The following FXR2 variants were observed in gnomAD, a reference collection of about 807,000 sequenced individuals.
FXR2 encodes RNA-binding protein FXR2.
Under a neutral mutation model 87.3 loss-of-function variants are expected in FXR2, and 9 were observed. The ratio of observed to expected loss-of-function variants is 0.10; its 90% CI spans 0.06 to 0.18. The LOEUF (loss-of-function observed/expected upper bound fraction) is 0.18. FXR2 is among the 10% of genes least tolerant of loss of function. FXR2 has a pLI of 1.00. For missense variants in FXR2, 661 were observed against 893.6 expected, an observed-to-expected ratio of 0.74 and a Z score of 3.32; for synonymous variants, 331 against 328.3, an observed-to-expected ratio of 1.01 and a Z score of -0.09.
At position 7,594,770 on chromosome 17, in the gene FXR2, C is replaced by G; in HGVS notation, c.832-13G>C. The G allele has an allele frequency of 6.4e-7, 1 of 1,566,742 alleles. No homozygotes were observed. The highest frequency in any genetic ancestry group is 1.1e-5 in the South Asian group (1 of 90,118). ...AAGCCTCGGGAGTCTAAAGGAAGAACAGCAGGGAGTTGTTACTAAAACAGA... is the reference window on the plus strand; with the variant it reads ...AAGCCTCGGGAGTCTAAAGGAAGAAGAGCAGGGAGTTGTTACTAAAACAGA... On this transcript the variant is annotated splice_polypyrimidine_tract_variant and intron_variant, in intron 8 of 16. Transcript: ENST00000250113. The surrounding 1 kb of genome is among the most constrained non-coding windows in gnomAD (Gnocchi z 5.1).
chr17:7,614,012 G>C (rs1164368014), intron 1 of FXR2: 3 of 457,460 alleles, frequency 6.6e-6, no homozygotes, highest in Non-Finnish European at 8.7e-6. Context: ...AAGATGAAAG[G>C]ATCTTTTACG....
At position 7,593,686 on chromosome 17, in the gene FXR2, C is replaced by T; in HGVS notation, c.1108-61G>A. ...AATAAGATCAGTGCCTTGCTTCATG[C>T]TTCTGCACCCTGACTGTCCCTCTAT... On this transcript the variant is annotated intron_variant, in intron 11 of 16. Transcript: ENST00000250113. This position sits in a 1 kb window ranked among gnomAD's most constrained non-coding sequence, Gnocchi z 6.1. 1 of 1,136,638 alleles carries T rather than the reference C, an allele frequency of 8.8e-7. No homozygotes were observed. Among genetic ancestry groups the T allele is most frequent in the Non-Finnish European group, 1.3e-6 (1 of 777,378 alleles). 70.4% of individuals were successfully genotyped at this position (1,136,638 alleles called of 1,614,324 possible).
chr17:7,614,389 G>T, intron 1 of FXR2, 63 bp downstream of exon 1: 1 of 1,226,072 alleles, frequency 8.2e-7, no homozygotes, highest in Non-Finnish European at 1.1e-6. Flanking sequence ...CGCCCCACGC[G>T]TTCCTGCTCC....
chr17:7,606,033 C>A (rs751572022), intron 2 of FXR2, 64 bp downstream of exon 2: 1 of 1,072,698 alleles, frequency 9.3e-7, no homozygotes, highest in Non-Finnish European at 1.4e-6. Flanking sequence ...GACTCAGCTG[C>A]CCCCTCTTCT....
chr17:7,611,457 C>CA (rs1340604346), intron 1 of FXR2, among the ~76,000 whole-genome samples: 1 of 152,138 alleles, frequency 6.6e-6, no homozygotes, highest in Non-Finnish European at 1.5e-5. Context: ...CTCTTGAAGT[C>CA]AGGAGTCAGA....
At chr17:7,614,226 C>T (rs1360866081) in intron 1 of FXR2, 4 of 685,682 alleles carry the variant, frequency 5.8e-6, no homozygotes, top group Admixed American at 4.0e-5. Flanking sequence ...TTCATTCTCC[C>T]GGAGATGGGG....
chr17:7,594,422 C>A lies in FXR2; in HGVS notation c.911-75G>T. The A allele has an allele frequency of 2.2e-6, 2 of 902,900 alleles. No homozygotes were observed. Among genetic ancestry groups the A allele is most frequent in the Non-Finnish European group, 3.5e-6 (2 of 564,428 alleles). 55.9% of individuals were successfully genotyped at this position (902,900 alleles called of 1,614,324 possible). ...AAGAATAAAGCTGATACACCGTCTTCCAGCCTCATTTTCTTTATATGGATT... is the reference window on the plus strand; with the variant it reads ...AAGAATAAAGCTGATACACCGTCTTACAGCCTCATTTTCTTTATATGGATT... On this transcript the variant is annotated intron_variant, in intron 9 of 16. Coordinates refer to ENST00000250113, the MANE Select transcript of FXR2 (RefSeq NM_004860.4). This position sits in a 1 kb window ranked among gnomAD's most constrained non-coding sequence, Gnocchi z 5.1.
At chr17:7,605,986 A>G in intron 2 of FXR2, 111 bp downstream of exon 2, 1 of 763,564 alleles carries the variant, frequency 1.3e-6, no homozygotes, top group Non-Finnish European at 2.2e-6. Context: ...TTCCCACCCA[A>G]ACCCTCAGCT....
intron 7 of FXR2, among the ~76,000 whole-genome samples, chr17:7,599,798 A>T (rs1029878834): frequency 1.3e-5 from 2 of 152,060 alleles, no homozygotes. Flanking sequence ...GAATCGCTTC[A>T]ATCTGGGAGG....
At position 7,594,625 on chromosome 17, in the gene FXR2, C is replaced by A; in HGVS notation, c.910+54G>T. 9.0e-7 allele frequency: 1 copy of A among 1,110,468 alleles called. No individual in the cohort carries two copies. The highest frequency in any genetic ancestry group is 1.4e-6 in the Non-Finnish European group (1 of 720,318). 68.8% of individuals were successfully genotyped at this position (1,110,468 alleles called of 1,614,324 possible). ...AATCCTGGATAAAAGCTCAGAATCA[C>A]TGTAGAGAATCTTGATTCTGACCTC... is the stretch of plus-strand genomic sequence containing the variant. On this transcript the variant is annotated intron_variant, in intron 9 of 16. Coordinates refer to ENST00000250113, the MANE Select transcript of FXR2 (RefSeq NM_004860.4). The surrounding 1 kb of genome is among the most constrained non-coding windows in gnomAD (Gnocchi z 5.1).
intron 6 of FXR2, 64 bp from the exon 7 acceptor site, chr17:7,601,589 G>C (rs1173692818): frequency 1.0e-6 from 1 of 976,424 alleles, no homozygotes; most frequent in Non-Finnish European, 1.6e-6. Context: ...GGGAGAGCCA[G>C]GGACTAGAAA....
At position 7,593,648 on chromosome 17, in the gene FXR2, A is replaced by T; in HGVS notation, c.1108-23T>A. 1.3e-6 allele frequency: 2 copies of T among 1,487,604 alleles called. No homozygotes were observed. The highest frequency in any genetic ancestry group is 1.8e-6 in the Non-Finnish European group (2 of 1,088,676). The allele number at this position is 1,487,604 out of a possible 1,614,324, so 92.2% of individuals were successfully genotyped here. A position where few individuals can be genotyped will look rare whatever the true frequency, so the allele number is the denominator to read the frequency against. On this transcript the variant is annotated intron_variant, in intron 11 of 16. Transcript: ENST00000250113. The surrounding 1 kb of genome is among the most constrained non-coding windows in gnomAD (Gnocchi z 6.1). ...CTCCTGGTTGGGTAAAAGATGGAAG[A>T]AGGGGAAGGAGAAATAAGATCAGTG...
intron 1 of FXR2, 127 bp downstream of exon 1, chr17:7,614,325 G>T: frequency 1.4e-6 from 1 of 735,908 alleles, no homozygotes. Context: ...GCTGCGGGTT[G>T]GAGCAAGGGT....
rs983685957 is a variant in FXR2, at chr17:7,592,615, A to G, written c.1730-16T>C. On this transcript the variant is annotated splice_polypyrimidine_tract_variant and intron_variant, in intron 14 of 16. Transcript: ENST00000250113. This position sits in a 1 kb window ranked among gnomAD's most constrained non-coding sequence, Gnocchi z 4.8. ...GATTCATCTTCTGTAGGGTAGGAAA[A>G]AACCAGAGTCACACATCCAACCTCC... 6.2e-7 allele frequency: 1 copy of G among 1,612,482 alleles called. No homozygotes were observed. The highest frequency in any genetic ancestry group is 1.3e-5 in the African/African-American group (1 of 74,476).
Position 7,593,730 on chromosome 17 carries a change from G to A in FXR2, c.1108-105C>T. On this transcript the variant is annotated intron_variant, in intron 11 of 16. Transcript: ENST00000250113. The surrounding 1 kb of genome is among the most constrained non-coding windows in gnomAD (Gnocchi z 6.1). ...CCTCTATATCTAACCTCTCAGGAAT[G>A]CAGGGAGAAGGAAGACACTGGCTAA... 1 of 882,962 alleles carries A rather than the reference G, an allele frequency of 1.1e-6. No individual in the cohort carries two copies. Among genetic ancestry groups the A allele is most frequent in the South Asian group, 1.5e-5 (1 of 66,272 alleles). 54.7% of individuals were successfully genotyped at this position (882,962 alleles called of 1,614,324 possible). A position where few individuals can be genotyped will look rare whatever the true frequency, so the allele number is the denominator to read the frequency against.
chr17:7,613,050 TAC>T (rs2071887395), intron 1 of FXR2, among the ~76,000 whole-genome samples: 1 of 137,392 alleles, frequency 7.3e-6, no homozygotes, highest in Admixed American at 7.3e-5. Context: ...GCAACTGAAG[TAC>T]AGGCAGAAAC....
chr17:7,600,355 C>T (rs1191721913), intron 7 of FXR2, among the ~76,000 whole-genome samples: 11 of 152,204 alleles, frequency 7.2e-5, no homozygotes, highest in Non-Finnish European at 1.5e-4. Flanking sequence ...TGTGCCACCA[C>T]GCCCAGCTGA....
intron 5 of FXR2, 80 bp downstream of exon 5, chr17:7,603,677 G>T: frequency 7.2e-7 from 1 of 1,392,194 alleles, no homozygotes; most frequent in South Asian, 1.2e-5. Context: ...ACTGCAAAGT[G>T]GGAGTGATGC....
At position 7,594,262 on chromosome 17, in the gene FXR2, A is replaced by G. The variant is rs1206718728; in HGVS notation, c.996T>C (p.Asn332=). Residue 332 remains asparagine, a synonymous_variant, in exon 10 of 17, where the codon AAT becomes AAC. Transcript: ENST00000250113. This position sits in a 1 kb window ranked among gnomAD's most constrained non-coding sequence, Gnocchi z 5.1. ...GVVRVRVEGD[N]DKKNPREEGM... ...CCTCCTCCCTGGGGTTCTTCTTGTC[A>G]TTATCACCTTCCACTCGAACCCTCA... The G allele has an allele frequency of 1.2e-6, 2 of 1,607,268 alleles. No individual in the cohort carries two copies. Among genetic ancestry groups the G allele is most frequent in the African/African-American group, 1.3e-5 (1 of 74,718 alleles).
Sources: allele counts gnomAD v4.1 joint callset (sites outside exome capture counted in the v4.1 genomes callset), GRCh38; gene constraint gnomAD v4.1.1; non-coding constraint Gnocchi (gnomAD v3.1); transcripts MANE v1.5; gene names NCBI Gene and HGNC (gene_info 2026-07-23, HGNC 2026-07-21).